SYN2: variants seen among roughly 807,000 people sequenced by gnomAD.
The protein encoded by SYN2 is synapsin II.
A neutral mutation model predicts 50.9 loss-of-function variants in SYN2; 19 were observed. That is an observed-to-expected ratio of 0.37 (90% CI 0.26 to 0.55). SYN2 has a LOEUF of 0.55. Among genes scored for constraint, SYN2 ranks in the 20% least tolerant of loss-of-function variants. The pLI is 0.81. For synonymous variants in SYN2, 255 were observed against 224.9 expected (o/e 1.13, Z -1.20); for missense variants, 587 against 576.4 (o/e 1.02, Z -0.19).
chr3:12,158,559 T>C, intron 5 of SYN2: 3 of 1,267,432 alleles, frequency 2.4e-6, no homozygotes, highest in Non-Finnish European at 3.2e-6. Context: ...GCCTGGTCCT[T>C]CTCCACCCAT....
chr3:12,121,676 GAGAA>G (rs1696561725), intron 1 of SYN2, among the ~76,000 whole-genome samples: 1 of 147,538 alleles, frequency 6.8e-6, no homozygotes, highest in Non-Finnish European at 1.5e-5. Context: ...GGAAGGGAAG[GAGAA>G]AGGAAGGGAA....
At chr3:12,073,034 TAAAC>T (rs1476964735) in intron 1 of SYN2, among the ~76,000 whole-genome samples, 1 of 152,182 alleles carries the variant, frequency 6.6e-6, no homozygotes, top group Non-Finnish European at 1.5e-5. Flanking sequence ...TTGTTTTTCT[TAAAC>T]AACTTAGAAA....
intron 1 of SYN2, among the ~76,000 whole-genome samples, chr3:12,080,702 T>C (rs571694182): frequency 6.6e-6 from 1 of 152,214 alleles, no homozygotes; most frequent in African/African-American, 2.4e-5. Flanking sequence ...TTGCATTTGC[T>C]GAGGACTGGT....
intron 12 of SYN2, among the ~76,000 whole-genome samples, chr3:12,188,269 T>C (rs1210892224): frequency 6.6e-6 from 1 of 152,194 alleles, no homozygotes; most frequent in Non-Finnish European, 1.5e-5. Context: ...CCCTCCACAC[T>C]GCCCCACTGC....
At chr3:12,138,172 C>T (rs952005367) in intron 1 of SYN2, among the ~76,000 whole-genome samples, 43 of 152,340 alleles carry the variant, frequency 2.8e-4, no homozygotes, top group Middle Eastern at 3.4e-3. Flanking sequence ...AGAATGTGCT[C>T]ATTCTCCAGA....
At chr3:12,009,408 C>T (rs184552390) in intron 1 of SYN2, among the ~76,000 whole-genome samples, 4 of 152,036 alleles carry the variant, frequency 2.6e-5, no homozygotes, top group African/African-American at 9.6e-5. Context: ...TATATTTTTC[C>T]ATCCCTTACT....
At chr3:12,120,957 C>G (rs1696544821) in intron 1 of SYN2, among the ~76,000 whole-genome samples, 1 of 152,220 alleles carries the variant, frequency 6.6e-6, no homozygotes, top group Non-Finnish European at 1.5e-5. Flanking sequence ...CGCAATCCCC[C>G]TCTGTTATAG....
chr3:12,177,218 A>G (rs1375576623), intron 10 of SYN2, among the ~76,000 whole-genome samples: 1 of 152,222 alleles, frequency 6.6e-6, no homozygotes, highest in East Asian at 1.9e-4. Flanking sequence ...TTCCAGCCAC[A>G]AAGGCTCTGA....
At chr3:12,070,212 T>C (rs929720607) in intron 1 of SYN2, 57 of 396,084 alleles carry the variant, frequency 1.4e-4, no homozygotes, top group Non-Finnish European at 2.5e-4. Context: ...GCCCTGCTCC[T>C]CCGCCTGTCA....
At chr3:12,048,909 G>A (rs1181750568) in intron 1 of SYN2, among the ~76,000 whole-genome samples, 1 of 152,112 alleles carries the variant, frequency 6.6e-6, no homozygotes, top group Non-Finnish European at 1.5e-5. Context: ...TCATTATATC[G>A]TTGGTTTATG....
chr3:12,150,050 A>G (rs1199056675), intron 4 of SYN2, among the ~76,000 whole-genome samples: 1 of 152,198 alleles, frequency 6.6e-6, no homozygotes, highest in Non-Finnish European at 1.5e-5. Flanking sequence ...CCCAGTTCCG[A>G]GCTTTTACTG....
rs78753240 is a variant in SYN2, at chr3:12,014,813, A to C, written c.377+9885A>C. Among the ~76,000 whole-genome samples, 671 of 152,278 alleles carry C rather than the reference A, an allele frequency of 4.4e-3. 1 individual carries two copies. Among genetic ancestry groups the C allele is most frequent in the Non-Finnish European group, 6.9e-3 (472 of 68,028 alleles). On this transcript the variant is annotated intron_variant, in intron 1 of 12. Transcript: ENST00000621198. ...TTTGGCTTCCTGTTTTTTCAACTGC[A>C]AAGTGGGATTGTGGGAATGGTTTAA... is the stretch of plus-strand genomic sequence containing the variant.
intron 5 of SYN2, among the ~76,000 whole-genome samples, chr3:12,154,691 C>T (rs1223419729): frequency 1.3e-5 from 2 of 152,236 alleles, no homozygotes; most frequent in African/African-American, 4.8e-5. Context: ...TTTCGTTTAG[C>T]ATGGTACAGA....
chr3:12,055,945 C>A (rs1694979034), intron 1 of SYN2, among the ~76,000 whole-genome samples: 1 of 152,174 alleles, frequency 6.6e-6, no homozygotes, highest in Non-Finnish European at 1.5e-5. Context: ...TAACAGGAGT[C>A]TGATCAAGCC....
chr3:12,080,702 T>A (rs571694182), intron 1 of SYN2, among the ~76,000 whole-genome samples: 1 of 152,214 alleles, frequency 6.6e-6, no homozygotes, highest in Non-Finnish European at 1.5e-5. Context: ...TTGCATTTGC[T>A]GAGGACTGGT....
intron 1 of SYN2, among the ~76,000 whole-genome samples, chr3:12,065,453 G>T (rs1695196461): frequency 6.6e-6 from 1 of 152,110 alleles, no homozygotes; most frequent in Admixed American, 6.6e-5. Context: ...AATCAACATA[G>T]GTGCTCAACA....
Position 12,190,968 on chromosome 3 carries a change from G to T in SYN2, c.*343G>T. On this transcript the variant is annotated 3_prime_UTR_variant, in exon 13 of 13. Transcript: ENST00000621198. ...CTTCCCTGTGAAACCAGGATTAATCGTGGACTCCTGGCAGCTTAACCTAGC... is the reference window on the plus strand; with the variant it reads ...CTTCCCTGTGAAACCAGGATTAATCTTGGACTCCTGGCAGCTTAACCTAGC... 9.6e-7 allele frequency: 1 copy of T among 1,041,452 alleles called. No individual in the cohort carries two copies. Among genetic ancestry groups the T allele is most frequent in the Admixed American group, 5.8e-5 (1 of 17,134 alleles). The allele number at this position is 1,041,452 out of a possible 1,614,324, so 64.5% of individuals were successfully genotyped here.
At chr3:12,177,600 G>T (rs1486292735) in intron 10 of SYN2, among the ~76,000 whole-genome samples, 1 of 152,112 alleles carries the variant, frequency 6.6e-6, no homozygotes, top group Non-Finnish European at 1.5e-5. Context: ...CAAATGAAAG[G>T]CCTTCCTGCT....
chr3:12,168,349 T>C, intron 8 of SYN2, 27 bp from the exon 9 acceptor site: 2 of 1,602,340 alleles, frequency 1.2e-6, no homozygotes, highest in Non-Finnish European at 1.7e-6. Context: ...TTGCCCCAGC[T>C]TCAGGACACC....
Sources: allele counts gnomAD v4.1 joint callset (sites outside exome capture counted in the v4.1 genomes callset), GRCh38; gene constraint gnomAD v4.1.1; transcripts MANE v1.5; gene names NCBI Gene and HGNC (gene_info 2026-07-23, HGNC 2026-07-21).